Variants in TGFBR3 observed in about 807,000 individuals in gnomAD.
TGFBR3 encodes transforming growth factor beta receptor 3, also known as transforming growth factor beta receptor type 3.
Under a neutral mutation model 87.9 loss-of-function variants are expected in TGFBR3, and 46 were observed. The ratio of observed to expected loss-of-function variants is 0.52; its 90% CI spans 0.41 to 0.67. The LOEUF (loss-of-function observed/expected upper bound fraction) is 0.67. Among genes scored for constraint, TGFBR3 ranks in the 30% least tolerant of loss-of-function variants. The pLI, the probability that TGFBR3 is intolerant of heterozygous loss-of-function variation, is 0.00. For missense variants in TGFBR3, 866 were observed against 1,041.9 expected (o/e 0.83, Z 2.32); for synonymous variants, 381 against 391.6 (o/e 0.97, Z 0.32).
intron 8 of TGFBR3, 109 bp from the exon 9 acceptor site, chr1:91,720,339 G>T: frequency 9.1e-7 from 1 of 1,095,052 alleles, no homozygotes; most frequent in Non-Finnish European, 1.3e-6. Flanking sequence ...GGTGTAAAAT[G>T]ACTTTTAATA....
In TGFBR3 at chr1:91,829,341, A is replaced by C. The variant is rs78789651; in HGVS notation, c.62-31870T>G. Among the ~76,000 whole-genome samples the C allele has an allele frequency of 6.6e-5, 10 of 151,646 alleles. No individual in the cohort carries two copies. The East Asian group carries it at 1.7e-3, about 26-fold the overall frequency. On this transcript the variant is annotated intron_variant, in intron 2 of 16. Coordinates refer to ENST00000212355, the MANE Select transcript of TGFBR3 (RefSeq NM_003243.5). ...CAGTGAGCTGAGATTGCCCCACTGC[A>C]CTCTAGCCTGAGCAACAGAGCGAGA...
chr1:91,886,259 C>T (rs1679307476), upstream of TGFBR3: 1 of 435,510 alleles, frequency 2.3e-6, no homozygotes, highest in Non-Finnish European at 4.6e-6. Flanking sequence ...CGCTCCTCCG[C>T]CGGCCCCACC....
At chr1:91,905,106 T>C (rs1679819465) in intron 1 of TGFBR3, among the ~76,000 whole-genome samples, 1 of 152,212 alleles carries the variant, frequency 6.6e-6, no homozygotes, top group Non-Finnish European at 1.5e-5. Flanking sequence ...GCACAAAATA[T>C]GTCAATATGT....
In TGFBR3 at chr1:91,787,943, G is replaced by GGAAAAAAAAAAAAAAAA. The variant is rs945269870; in HGVS notation, c.246+9343_246+9344insTTTTTTTTTTTTTTTTC. Among the ~76,000 whole-genome samples, 450 of 133,158 alleles carry GGAAAAAAAAAAAAAAAA rather than the reference G, an allele frequency of 3.4e-3. 17 individuals carry two copies. Among genetic ancestry groups the GGAAAAAAAAAAAAAAAA allele is most frequent in the African/African-American group, 0.012 (405 of 32,510 alleles). The allele number at this position is 133,158 out of a possible 152,430, so 87.4% of individuals were successfully genotyped here. ...ACAGAGCCAGACCCTGTCTCACGGG[G>GGAAAAAAAAAAAAAAAA]AAAAAAAAAAAAACCCCAAGAAGAA... On this transcript the variant is annotated intron_variant, in intron 3 of 16. Transcript: ENST00000212355.
At chr1:91,859,078 G>A (rs544067822) in intron 2 of TGFBR3, among the ~76,000 whole-genome samples, 1 of 151,512 alleles carries the variant, frequency 6.6e-6, no homozygotes, top group East Asian at 1.9e-4. Context: ...AAAAAAATCT[G>A]TAACTCTACT....
At chr1:91,792,818 T>C (rs185442401) in intron 3 of TGFBR3, among the ~76,000 whole-genome samples, 5 of 152,336 alleles carry the variant, frequency 3.3e-5, no homozygotes, top group Admixed American at 3.3e-4. Context: ...TGGTCCTCAC[T>C]TGCTCTAAAA....
At chr1:91,684,871 G>T (rs1671037864) in intron 16 of TGFBR3, among the ~76,000 whole-genome samples, 1 of 152,142 alleles carries the variant, frequency 6.6e-6, no homozygotes. Context: ...CTTCAATGTG[G>T]GAAACCCCAG....
chr1:91,873,404 T>G (rs1678664427), intron 1 of TGFBR3, among the ~76,000 whole-genome samples: 1 of 148,996 alleles, frequency 6.7e-6, no homozygotes, highest in South Asian at 2.2e-4. Flanking sequence ...TGCCTCTGCC[T>G]CCCAAGTAGC....
chr1:91,879,822 A>G (rs1679001353), intron 1 of TGFBR3, among the ~76,000 whole-genome samples: 2 of 152,216 alleles, frequency 1.3e-5, no homozygotes, highest in Admixed American at 1.3e-4. Context: ...TAAGAAATCT[A>G]GAAATTTTAT....
intron 2 of TGFBR3, among the ~76,000 whole-genome samples, chr1:91,811,241 G>A (rs948518023): frequency 2.0e-5 from 3 of 152,190 alleles, no homozygotes; most frequent in Non-Finnish European, 2.9e-5. Context: ...AGCCCAGGGA[G>A]GTCAAGACTG....
rs1160217929 is a variant in TGFBR3 at position 91,716,720 on chromosome 1, A to G, written c.1567-12T>C. 2 of 1,614,006 alleles carry G rather than the reference A, an allele frequency of 1.2e-6. No homozygotes were observed. Among genetic ancestry groups the G allele is most frequent in the Non-Finnish European group, 1.7e-6 (2 of 1,180,034 alleles). On this transcript the variant is annotated splice_polypyrimidine_tract_variant and intron_variant, in intron 10 of 16. Transcript: ENST00000212355. ...ACCTGTATCACAATCTAAAAGGCAA[A>G]GAAAGCACAGCCAATGTTATAAAAA...
intron 16 of TGFBR3, among the ~76,000 whole-genome samples, chr1:91,688,587 T>C (rs926558438): frequency 1.3e-5 from 2 of 152,198 alleles, no homozygotes; most frequent in Non-Finnish European, 2.9e-5. Context: ...GCTGCTCTGA[T>C]GTGTAAGCAG....
rs530414046 is a variant in TGFBR3, at chr1:91,843,306, C to G, written c.61+18165G>C. On this transcript the variant is annotated intron_variant, in intron 2 of 16. Coordinates refer to ENST00000212355, the MANE Select transcript of TGFBR3 (RefSeq NM_003243.5). ...GGTATGAGTGTCTTAAAAGAGACTC[C>G]AGAGAACTCTCTAGTTTGTCTTTTT... is the stretch of plus-strand genomic sequence containing the variant. 3.8e-3 allele frequency among the ~76,000 whole-genome samples: 577 copies of G among 152,228 alleles called. 13 individuals are homozygous for G. The highest frequency in any genetic ancestry group is 3.4e-3 in the Middle Eastern group (1 of 294).
chr1:91,868,554 T>C (rs2101227967), intron 1 of TGFBR3, among the ~76,000 whole-genome samples: 1 of 152,290 alleles, frequency 6.6e-6, no homozygotes, highest in South Asian at 2.1e-4. Flanking sequence ...TCGATTCTAT[T>C]TGATGATTCC....
At chr1:91,826,478 T>C (rs1384700110) in intron 2 of TGFBR3, among the ~76,000 whole-genome samples, 2 of 152,044 alleles carry the variant, frequency 1.3e-5, no homozygotes, top group Non-Finnish European at 2.9e-5. Context: ...GATTCAAGGA[T>C]GGGAGGAAAA....
intron 2 of TGFBR3, among the ~76,000 whole-genome samples, chr1:91,798,366 C>T (rs1479900521): frequency 2.0e-5 from 3 of 152,216 alleles, no homozygotes; most frequent in Non-Finnish European, 2.9e-5. Flanking sequence ...AAAGCCTGAG[C>T]TCCACCACAG....
chr1:91,899,033 C>T (rs1679621538), intron 2 of TGFBR3, among the ~76,000 whole-genome samples: 2 of 152,102 alleles, frequency 1.3e-5, no homozygotes, highest in South Asian at 4.1e-4. Context: ...AGTTTCTAGA[C>T]AGAGCAAATC....
chr1:91,697,387 G>T (rs1671468990), intron 15 of TGFBR3, among the ~76,000 whole-genome samples: 1 of 152,102 alleles, frequency 6.6e-6, no homozygotes, highest in African/African-American at 2.4e-5. Flanking sequence ...GGGAATCTTA[G>T]GAAAGGAAAA....
intron 10 of TGFBR3, among the ~76,000 whole-genome samples, chr1:91,718,728 A>T (rs1338182985): frequency 6.6e-6 from 1 of 152,234 alleles, no homozygotes. Flanking sequence ...CATTGGGGGA[A>T]ATCTGTGGAA....
Sources: allele counts gnomAD v4.1 joint callset (sites outside exome capture counted in the v4.1 genomes callset), GRCh38; gene constraint gnomAD v4.1.1; transcripts MANE v1.5; gene names NCBI Gene and HGNC (gene_info 2026-07-23, HGNC 2026-07-21).